Variants in ATP1B1 observed in about 807,000 individuals in gnomAD.
ATP1B1 encodes sodium/potassium-transporting ATPase subunit beta-1.
ATP1B1 carries 3 observed loss-of-function variants against 39.6 expected under a neutral mutation model. The ratio of observed to expected loss-of-function variants is 0.08; its 90% confidence interval spans 0.03 to 0.20. The LOEUF (loss-of-function observed/expected upper bound fraction) is 0.20. ATP1B1 is among the 10% of genes least tolerant of loss of function. ATP1B1 has a pLI of 1.00. For missense variants in ATP1B1, 216 were observed against 371.1 expected (o/e 0.58, Z 3.43); for synonymous variants, 139 against 135.0 (o/e 1.03, Z -0.20).
In ATP1B1 at chr1:169,131,151, G is replaced by T; in HGVS notation, c.649-141G>T. 1 of 1,093,974 alleles carries T rather than the reference G, an allele frequency of 9.1e-7. No homozygotes were observed. Among genetic ancestry groups the T allele is most frequent in the Admixed American group, 2.4e-5 (1 of 42,020 alleles). 67.8% of individuals were successfully genotyped at this position (1,093,974 alleles called of 1,614,324 possible). ...TCTCTTCTTATGACCATTTCTCAAGGCTGCAATGGAATAGACTGAGTAGAT... is the reference window on the plus strand; with the variant it reads ...TCTCTTCTTATGACCATTTCTCAAGTCTGCAATGGAATAGACTGAGTAGAT... On this transcript the variant is annotated intron_variant, in intron 5 of 5. Coordinates refer to ENST00000367815, the MANE Select transcript of ATP1B1 (RefSeq NM_001677.4). This position sits in a 1 kb window ranked among gnomAD's most constrained non-coding sequence, Gnocchi z 4.4.
chr1:169,113,658 G>A (rs1010071263), intron 2 of ATP1B1, among the ~76,000 whole-genome samples: 2 of 152,102 alleles, frequency 1.3e-5, no homozygotes, highest in Non-Finnish European at 2.9e-5. Flanking sequence ...CCCTCTCACG[G>A]TGCCTCCCTT....
In ATP1B1 at chr1:169,130,042, A is replaced by C. The variant is rs61803314; in HGVS notation, c.600A>C (p.Pro200=). 8.6e-3 allele frequency: 13,959 copies of C among 1,614,048 alleles called. 95 individuals are homozygous for C. The highest frequency in any genetic ancestry group is 0.01 in the Non-Finnish European group (12,209 of 1,179,946). Residue 200 remains proline, a synonymous_variant, in exon 5 of 6, where the codon CCA becomes CCC. Transcript: ENST00000367815. ...AGAATGAGTCCTTGGAGACTTACCC[A>C]GTGATGAAGTATAACCCAAATGTCC... ...PPKNESLETY[P]VMKYNPNVLP...
chr1:169,115,421 T>C (rs1207407016), intron 2 of ATP1B1, among the ~76,000 whole-genome samples: 1 of 150,684 alleles, frequency 6.6e-6, no homozygotes, highest in East Asian at 2.0e-4. Flanking sequence ...TGATCTTGGC[T>C]CACTGCAACC....
chr1:169,108,643 A>G (rs558944799), intron 1 of ATP1B1, among the ~76,000 whole-genome samples: 13 of 152,308 alleles, frequency 8.5e-5, no homozygotes, highest in South Asian at 4.1e-4. Flanking sequence ...TTAGAGGGTA[A>G]GGCAGTATGG....
In ATP1B1 at chr1:169,131,699, T is replaced by A; in HGVS notation, c.*144T>A. 1 of 913,060 alleles carries A rather than the reference T, an allele frequency of 1.1e-6. No homozygotes were observed. The highest frequency in any genetic ancestry group is 1.6e-6 in the Non-Finnish European group (1 of 627,802). The allele number at this position is 913,060 out of a possible 1,614,324, so 56.6% of individuals were successfully genotyped here. On this transcript the variant is annotated 3_prime_UTR_variant, in exon 6 of 6. Coordinates refer to ENST00000367815, the MANE Select transcript of ATP1B1 (RefSeq NM_001677.4). This position sits in a 1 kb window ranked among gnomAD's most constrained non-coding sequence, Gnocchi z 4.4. Reference sequence around the variant, plus strand: ...CTTTACACTAGCTTTCTGCATTTAATAGGTTAGAATGTAAATTAAAGTGTA... The same window carrying A: ...CTTTACACTAGCTTTCTGCATTTAAAAGGTTAGAATGTAAATTAAAGTGTA...
At chr1:169,109,223 T>C (rs1001593133) in intron 1 of ATP1B1, among the ~76,000 whole-genome samples, 5 of 152,184 alleles carry the variant, frequency 3.3e-5, no homozygotes, top group African/African-American at 1.2e-4. Flanking sequence ...GTACACACTG[T>C]TTGTTTGTTC....
Position 169,110,530 on chromosome 1 carries a change from A to ACC in ATP1B1, c.98-839_98-838insCC, listed in dbSNP as rs1657704328. 6 of 761,768 alleles carry ACC rather than the reference A, an allele frequency of 7.9e-6. No individual in the cohort carries two copies. In the Admixed American group the frequency reaches 2.2e-4, roughly 28 times the overall value. The allele number at this position is 761,768 out of a possible 1,614,324, so 47.2% of individuals were successfully genotyped here. On this transcript the variant is annotated intron_variant, in intron 1 of 5. Transcript: ENST00000367815. ...GGGAGATAATCCTTGTAAACCAGTAACTGATAGCCACCCTCATTCCCATCT... is the reference window on the plus strand; with the variant it reads ...GGGAGATAATCCTTGTAAACCAGTAACCCTGATAGCCACCCTCATTCCCATCT...
chr1:169,114,332 A>G (rs1657795423), intron 2 of ATP1B1, among the ~76,000 whole-genome samples: 1 of 152,208 alleles, frequency 6.6e-6, no homozygotes, highest in African/African-American at 2.4e-5. Flanking sequence ...AAGAGGGAAA[A>G]TTGTAAATTT....
rs1036356947 is a variant in ATP1B1 at position 169,131,255 on chromosome 1, G to A, written c.649-37G>A. On this transcript the variant is annotated intron_variant, in intron 5 of 5. Coordinates refer to ENST00000367815, the MANE Select transcript of ATP1B1 (RefSeq NM_001677.4). This position sits in a 1 kb window ranked among gnomAD's most constrained non-coding sequence, Gnocchi z 4.4. ...TTGAGTACACATAGTGATGCATGATGTGAGCCATTAAAATTTCATTTCATT... is the reference window on the plus strand; with the variant it reads ...TTGAGTACACATAGTGATGCATGATATGAGCCATTAAAATTTCATTTCATT... 4 of 1,603,810 alleles carry A rather than the reference G, an allele frequency of 2.5e-6. No homozygotes were observed. In the Admixed American group the frequency reaches 5.0e-5, roughly 20 times the overall value.
Position 169,128,099 on chromosome 1 carries a change from CGTT to C in ATP1B1, c.567+697_567+699del, listed in dbSNP as rs1358480056. Among the ~76,000 whole-genome samples the C allele has an allele frequency of 2.6e-5, 4 of 152,080 alleles. 1 individual carries two copies. The highest frequency in any genetic ancestry group is 3.9e-4 in the East Asian group (2 of 5,194). ...TTCTCCATAAGAATGGAAAATTTAT[CGTT>C]GTTGTCTGCTTTTGTAAAGCTGGTC... is the stretch of plus-strand genomic sequence containing the variant. On this transcript the variant is annotated intron_variant, in intron 4 of 5. Transcript: ENST00000367815.
At chr1:169,116,216 C>T (rs1657844392) in intron 2 of ATP1B1, among the ~76,000 whole-genome samples, 1 of 152,246 alleles carries the variant, frequency 6.6e-6, no homozygotes, top group Non-Finnish European at 1.5e-5. Flanking sequence ...CGCCATTGCC[C>T]TTCCCCCACC....
intron 4 of ATP1B1, among the ~76,000 whole-genome samples, chr1:169,128,499 T>G (rs796110386): frequency 5.9e-5 from 9 of 152,354 alleles, no homozygotes; most frequent in African/African-American, 2.2e-4. Context: ...GATGGATGGT[T>G]GCCTGGCTGG....
In ATP1B1 at chr1:169,124,823, T is replaced by C. The variant is rs1456053725; in HGVS notation, c.227-61T>C. The C allele has an allele frequency of 6.4e-6, 10 of 1,561,840 alleles. No homozygotes were observed. The South Asian group carries it at 6.9e-5, about 11-fold the overall frequency. On this transcript the variant is annotated intron_variant, in intron 2 of 5. Transcript: ENST00000367815. Reference sequence around the variant, plus strand: ...AAGTATGTTTTGTATGTGGAAAGTCTACTTTTGAATTGTCTTCGTTTCTGC... The same window carrying C: ...AAGTATGTTTTGTATGTGGAAAGTCCACTTTTGAATTGTCTTCGTTTCTGC...
At position 169,132,708 on chromosome 1, in the gene ATP1B1, AGAAT is replaced by A; in HGVS notation, c.*1157_*1160del. The A allele has an allele frequency of 7.2e-7, 1 of 1,382,964 alleles. No individual in the cohort carries two copies. Among genetic ancestry groups the A allele is most frequent in the Non-Finnish European group, 1.0e-6 (1 of 980,300 alleles). The allele number at this position is 1,382,964 out of a possible 1,614,324, so 85.7% of individuals were successfully genotyped here. On this transcript the variant is annotated 3_prime_UTR_variant, in exon 6 of 6. Transcript: ENST00000367815. The stretch of plus-strand genomic sequence containing the variant: ...TCAGGTTAAAACAACGGACAATAAA[AGAAT>A]GAACACATTCCTCGTGTGTGATTCA...
chr1:169,125,775 A>G (rs1056442450), intron 3 of ATP1B1, among the ~76,000 whole-genome samples: 1 of 152,068 alleles, frequency 6.6e-6, no homozygotes, highest in Admixed American at 6.6e-5. Context: ...GGAGTTCGAG[A>G]CCAACCTGGG....
At chr1:169,111,626 AG>A in intron 2 of ATP1B1, 128 bp downstream of exon 2, 1 of 1,327,046 alleles carries the variant, frequency 7.5e-7, no homozygotes, top group Non-Finnish European at 1.0e-6. Flanking sequence ...AAGGGAAAAG[AG>A]AAACTTCTCT....
chr1:169,107,038 C>CG, intron 1 of ATP1B1, 112 bp downstream of exon 1: 1 of 1,046,000 alleles, frequency 9.6e-7, no homozygotes, highest in South Asian at 1.6e-5. Context: ...GCCGGGGTGG[C>CG]GGGGGCGAGG....
intron 2 of ATP1B1, among the ~76,000 whole-genome samples, chr1:169,120,280 A>G (rs889788911): frequency 7.2e-5 from 11 of 152,318 alleles, no homozygotes; most frequent in Middle Eastern, 3.4e-3. Flanking sequence ...AGCTGATTGC[A>G]TGACCTAAAC....
At chr1:169,107,705 C>T (rs1428452385) in intron 1 of ATP1B1, among the ~76,000 whole-genome samples, 2 of 151,412 alleles carry the variant, frequency 1.3e-5, no homozygotes, top group East Asian at 3.9e-4. Flanking sequence ...GTTGGATAGA[C>T]TTTTTTCCAT....
Sources: gnomAD v4.1 joint callset for allele counts (sites outside exome capture counted in the v4.1 genomes callset) on GRCh38, gnomAD v4.1.1 for gene constraint, Gnocchi (gnomAD v3.1) non-coding constraint, MANE v1.5 for transcripts, NCBI Gene and HGNC (gene_info 2026-07-23, HGNC 2026-07-21) for gene names.